FANCA: variants seen among roughly 807,000 people sequenced by gnomAD.
FANCA encodes FA complementation group A, also known as Fanconi anemia group A protein.
A neutral mutation model predicts 194.3 loss-of-function variants in FANCA; 236 were observed. The observed-to-expected ratio is 1.21, with a 90% confidence interval of 1.09 to 1.35. FANCA has a LOEUF of 1.35. FANCA is among the 40% of genes most tolerant of loss of function. The probability of loss-of-function intolerance (pLI) is 0.00; values close to 1 mark genes in which losing one functional copy is unlikely to be tolerated. For missense variants in FANCA, 2,628 were observed against 1,813.9 expected (o/e 1.45, Z -8.15); for synonymous variants, 1,014 against 715.8 (o/e 1.42, Z -6.65).
At chr16:89,759,890 T>C (rs1307036426) in intron 29 of FANCA, among the ~76,000 whole-genome samples, 1 of 152,006 alleles carries the variant, frequency 6.6e-6, no homozygotes, top group Non-Finnish European at 1.5e-5. Flanking sequence ...TGTGCTCTCC[T>C]CACACTGTCC....
chr16:89,791,245 C>A, intron 14 of FANCA, 158 bp downstream of exon 14: 1 of 965,342 alleles, frequency 1.0e-6, no homozygotes. Flanking sequence ...CCAGGCTCCT[C>A]GGCACACGCA....
intron 29 of FANCA, among the ~76,000 whole-genome samples, chr16:89,760,274 C>A (rs144772412): frequency 6.6e-6 from 1 of 152,204 alleles, no homozygotes; most frequent in Non-Finnish European, 1.5e-5. Context: ...GGGCTTGGCA[C>A]GACCTGAACC....
At chr16:89,807,893 A>G (rs902742632) in intron 6 of FANCA, among the ~76,000 whole-genome samples, 1 of 151,626 alleles carries the variant, frequency 6.6e-6, no homozygotes, top group African/African-American at 2.4e-5. Flanking sequence ...TAAAAAAAAT[A>G]AATACATAAC....
At chr16:89,741,810 C>A (rs2062140264) in intron 37 of FANCA, among the ~76,000 whole-genome samples, 1 of 152,164 alleles carries the variant, frequency 6.6e-6, no homozygotes. Context: ...TCCCTCAGCA[C>A]ATGAATCAAG....
chr16:89,794,723 G>A (rs2040186176), intron 11 of FANCA, among the ~76,000 whole-genome samples: 1 of 152,088 alleles, frequency 6.6e-6, no homozygotes, highest in Non-Finnish European at 1.5e-5. Context: ...CTACCCTGGG[G>A]ATATGCTAGA....
intron 14 of FANCA, among the ~76,000 whole-genome samples, chr16:89,788,316 C>G (rs1023698382): frequency 3.9e-5 from 6 of 151,980 alleles, no homozygotes; most frequent in Non-Finnish European, 7.4e-5. Flanking sequence ...CAAAAATTAG[C>G]CAGGTGTGGT....
intron 36 of FANCA, chr16:89,744,596 C>A (rs1216897191): frequency 5.6e-6 from 2 of 356,654 alleles, no homozygotes; most frequent in Non-Finnish European, 1.1e-5. Flanking sequence ...AGGAATCACT[C>A]GAGCTCCTCA....
Position 89,746,576 on chromosome 16 carries a change from T to A in FANCA, c.3513+8A>T, listed in dbSNP as rs367748648. ...AAAACAAAACACCAAACAAGACAGC[T>A]GACCCACCAGAGCAGAGGTCAAAAT... On this transcript the variant is annotated splice_region_variant and intron_variant, in intron 35 of 42. Transcript: ENST00000389301. 6 of 1,612,584 alleles carry A rather than the reference T, an allele frequency of 3.7e-6. No homozygotes were observed. In the South Asian group the frequency reaches 5.5e-5, roughly 15 times the overall value.
intron 3 of FANCA, among the ~76,000 whole-genome samples, chr16:89,813,117 G>C (rs1488000257): frequency 6.6e-6 from 1 of 150,998 alleles, no homozygotes; most frequent in East Asian, 2.0e-4. Flanking sequence ...TGAAATTCTC[G>C]GTAGAAAAGT....
In FANCA at chr16:89,744,890, G is replaced by A. The variant is rs2062208533; in HGVS notation, c.3626+69C>T. ...TCTCTCAAGCAAGCCAGGGTGTTTA[G>A]GAGATGACCTTGAGCAGGTCCCGAA... On this transcript the variant is annotated intron_variant, in intron 36 of 42. Coordinates refer to ENST00000389301, the MANE Select transcript of FANCA (RefSeq NM_000135.4). The A allele has an allele frequency of 2.2e-6, 3 of 1,393,362 alleles. No homozygotes were observed. The Admixed American group carries it at 5.3e-5, about 25-fold the overall frequency. 86.3% of individuals were successfully genotyped at this position (1,393,362 alleles called of 1,614,324 possible). A position where few individuals can be genotyped will look rare whatever the true frequency, so the allele number is the denominator to read the frequency against.
chr16:89,812,638 C>T (rs1268030701), intron 3 of FANCA, among the ~76,000 whole-genome samples: 1 of 80,744 alleles, frequency 1.2e-5, no homozygotes, highest in Non-Finnish European at 2.6e-5. Context: ...AAGAGCAATA[C>T]TCCGTCTCAA....
intron 5 of FANCA, among the ~76,000 whole-genome samples, chr16:89,810,350 G>T (rs1431945022): frequency 1.3e-5 from 2 of 151,606 alleles, no homozygotes; most frequent in East Asian, 3.9e-4. Context: ...ACCAGCCTGG[G>T]CAACAAGGCG....
At chr16:89,812,660 A>AAAAAAAAAAAAAAAAAC (rs2040938378) in intron 3 of FANCA, among the ~76,000 whole-genome samples, 2 of 149,538 alleles carry the variant, frequency 1.3e-5, no homozygotes, top group East Asian at 1.9e-4. Flanking sequence ...AAAAAAAAAA[A>AAAAAAAAAAAAAAAAAC]AAAAAAAAAA....
chr16:89,793,562 C>T (rs929962910), intron 11 of FANCA, among the ~76,000 whole-genome samples: 10 of 152,140 alleles, frequency 6.6e-5, no homozygotes, highest in Non-Finnish European at 1.5e-4. Context: ...CTCGTGTCCT[C>T]GGTCTCTTGC....
At chr16:89,805,183 C>T in intron 7 of FANCA, 97 bp downstream of exon 7, 3 of 922,120 alleles carry the variant, frequency 3.3e-6, no homozygotes, top group South Asian at 1.4e-5. Flanking sequence ...CACGGAGAGA[C>T]AGGCTGTTCT....
chr16:89,743,039 T>C, intron 36 of FANCA, 101 bp from the exon 37 acceptor site: 1 of 1,387,864 alleles, frequency 7.2e-7, no homozygotes, highest in Non-Finnish European at 9.8e-7. Flanking sequence ...GGGGCCTGCC[T>C]TTCCATCAGA....
intron 27 of FANCA, among the ~76,000 whole-genome samples, chr16:89,765,528 G>T (rs1236703185): frequency 1.3e-5 from 2 of 152,252 alleles, no homozygotes; most frequent in Non-Finnish European, 2.9e-5. Context: ...AAGCAGAATT[G>T]CAGGAACAAA....
At chr16:89,789,714 C>T (rs1057163503) in intron 14 of FANCA, among the ~76,000 whole-genome samples, 2 of 152,090 alleles carry the variant, frequency 1.3e-5, no homozygotes, top group African/African-American at 4.8e-5. Context: ...GCTGAGATTA[C>T]AGGCATGAGC....
At chr16:89,791,764 G>T in intron 13 of FANCA, 163 bp downstream of exon 13, 1 of 1,020,732 alleles carries the variant, frequency 9.8e-7, no homozygotes, top group Non-Finnish European at 1.5e-6. Flanking sequence ...AGTGCTTATG[G>T]AAGCGTCTGA....
Sources: gnomAD v4.1 joint callset for allele counts (sites outside exome capture counted in the v4.1 genomes callset) on GRCh38, gnomAD v4.1.1 for gene constraint, MANE v1.5 for transcripts, NCBI Gene and HGNC (gene_info 2026-07-23, HGNC 2026-07-21) for gene names.